Variants in SDK2 observed in about 807,000 individuals in gnomAD.
The protein encoded by SDK2 is protein sidekick-2.
SDK2 carries 105 observed loss-of-function variants against 253.9 expected under a neutral mutation model. The ratio of observed to expected loss-of-function variants is 0.41; its 90% CI spans 0.35 to 0.49. SDK2 has a LOEUF of 0.49. Ranked by LOEUF, SDK2 falls within the 20% of genes least tolerant of loss-of-function variation. The pLI is 0.06. For missense variants in SDK2, 2,608 were observed against 3,003.0 expected (o/e 0.87, Z 3.07); for synonymous variants, 1,249 against 1,234.9 (o/e 1.01, Z -0.24).
At chr17:73,413,001 C>T (rs1434618968) in intron 18 of SDK2, among the ~76,000 whole-genome samples, 1 of 152,134 alleles carries the variant, frequency 6.6e-6, no homozygotes, top group South Asian at 2.1e-4. Flanking sequence ...AAATAAATTT[C>T]TGTTGTTTAA....
rs1156261310 is a variant in SDK2, at chr17:73,390,370, A to G, written c.4109T>C (p.Val1370Ala). Residue 1370 changes from valine to alanine, a missense_variant, in exon 29 of 45, where the codon GTC (valine) becomes GCC (alanine). Around this residue, in one of 2 missense-constraint regions of SDK2, gnomAD observed 1,103 missense variants for 1,143.9 expected, o/e 0.96. Transcript: ENST00000392650. ...YTATGLKPES[V>A]YLFRITAQTR... ...CTGGGCCGTGATGCGGAACAGGTAG[A>G]CAGACTCTGGCTTGAGGCCCGTGGC... is the stretch of plus-strand genomic sequence containing the variant. The G allele has an allele frequency of 6.2e-7, 1 of 1,612,488 alleles. No individual in the cohort carries two copies. The highest frequency in any genetic ancestry group is 1.7e-5 in the Admixed American group (1 of 59,954).
At position 73,643,467 on chromosome 17, in the gene SDK2, C is replaced by A. The variant is rs914755240; in HGVS notation, c.64+558G>T. Among the ~76,000 whole-genome samples the A allele has an allele frequency of 6.6e-6, 1 of 152,150 alleles. No homozygotes were observed. The highest frequency in any genetic ancestry group is 1.5e-5 in the Non-Finnish European group (1 of 68,016). ...CGCAGCGAAGCACCCCCAGCCCCAG[C>A]GGCTGGCCGAGCAGCCAGGGGCGGG... On this transcript the variant is annotated intron_variant, in intron 1 of 44. Transcript: ENST00000392650. This position sits in a 1 kb window ranked among gnomAD's most constrained non-coding sequence, Gnocchi z 6.9.
At chr17:73,546,863 G>T (rs1051170455) in intron 1 of SDK2, among the ~76,000 whole-genome samples, 2 of 152,222 alleles carry the variant, frequency 1.3e-5, no homozygotes, top group Non-Finnish European at 2.9e-5. Context: ...AGAACAGGAC[G>T]GCTCAGAGAG....
Position 73,424,023 on chromosome 17 carries a change from G to T in SDK2, c.1653C>A (p.Asn551Lys). 1.9e-5 allele frequency: 30 copies of T among 1,612,614 alleles called. No individual in the cohort carries two copies. Among genetic ancestry groups the T allele is most frequent in the Non-Finnish European group, 2.5e-5 (30 of 1,179,502 alleles). Residue 551 changes from asparagine (N) to lysine (K), a missense_variant, in exon 13 of 45, where the codon AAC becomes AAA. This residue lies in a region of SDK2 where 1,505 missense variants were observed against 1,859.1 expected (regional missense o/e 0.81). Coordinates refer to ENST00000392650, the MANE Select transcript of SDK2 (RefSeq NM_001144952.2). ...ACGTCTGTGAGATGTGCAGGGAGCCGTTTCTGTCCAGGCGGATACGAGGAT... is the reference window on the plus strand; with the variant it reads ...ACGTCTGTGAGATGTGCAGGGAGCCTTTTCTGTCCAGGCGGATACGAGGAT... ...ESHPRIRLDR[N>K]GSLHISQTWS...
At chr17:73,596,947 C>T (rs190265978) in intron 1 of SDK2, among the ~76,000 whole-genome samples, 2 of 152,176 alleles carry the variant, frequency 1.3e-5, no homozygotes, top group Non-Finnish European at 2.9e-5. Context: ...GGCAGAACCC[C>T]GGCCATTTCC....
intron 1 of SDK2, among the ~76,000 whole-genome samples, chr17:73,600,457 G>A (rs1567865898): frequency 6.6e-6 from 1 of 152,072 alleles, no homozygotes; most frequent in Non-Finnish European, 1.5e-5. Flanking sequence ...TGTGGAGAGG[G>A]CGACAGCAAT....
In SDK2 at chr17:73,379,129, C is replaced by G; in HGVS notation, c.4980+48G>C. On this transcript the variant is annotated intron_variant, in intron 36 of 44. Transcript: ENST00000392650. The surrounding 1 kb of genome is among the most constrained non-coding windows in gnomAD (Gnocchi z 4.5). ...TATCACTCACTCCCCAGCCTCCGAC[C>G]TGGCTTCTCATCCGTGCACCCCTTT... The G allele has an allele frequency of 7.1e-7, 1 of 1,413,536 alleles. No homozygotes were observed. Among genetic ancestry groups the G allele is most frequent in the Non-Finnish European group, 9.8e-7 (1 of 1,024,444 alleles). 87.6% of individuals were successfully genotyped at this position (1,413,536 alleles called of 1,614,324 possible). A position where few individuals can be genotyped will look rare whatever the true frequency, so the allele number is the denominator to read the frequency against.
At position 73,380,936 on chromosome 17, in the gene SDK2, G is replaced by T. The variant is rs370912779; in HGVS notation, c.4720C>A (p.Arg1574=). 5 of 1,549,966 alleles carry T rather than the reference G, an allele frequency of 3.2e-6. No individual in the cohort carries two copies. Among genetic ancestry groups the T allele is most frequent in the Non-Finnish European group, 2.6e-6 (3 of 1,144,074 alleles). The part of the protein sequence containing the change: ...WAELTSMYSM[R]NLSRPSLTQY... ...GTGAGGCTGGGCCGGCTCAGGTTCC[G>T]CATGGAGTACATGGCTATGGGGTGG... The change falls in exon 34 of 45, where the codon CGG becomes AGG. Residue 1574 remains arginine (R), a synonymous_variant. Coordinates refer to ENST00000392650, the MANE Select transcript of SDK2 (RefSeq NM_001144952.2).
chr17:73,489,503 C>G (rs1268043354), intron 2 of SDK2, among the ~76,000 whole-genome samples: 1 of 152,186 alleles, frequency 6.6e-6, no homozygotes, highest in East Asian at 1.9e-4. Flanking sequence ...CCAAGCACCG[C>G]CCAGATGGCC....
rs1018888727 is a variant in SDK2 at position 73,511,977 on chromosome 17, G to A, written c.65-4380C>T. ...TGTGGACATTCACATATCTGTGAAT[G>A]TCAATGTGTGTGTCAGTGCACATCT... is the stretch of plus-strand genomic sequence containing the variant. On this transcript the variant is annotated intron_variant, in intron 1 of 44. Transcript: ENST00000392650. The surrounding 1 kb of genome is among the most constrained non-coding windows in gnomAD (Gnocchi z 4.9). 2.0e-5 allele frequency among the ~76,000 whole-genome samples: 3 copies of A among 152,146 alleles called. No homozygotes were observed. Among genetic ancestry groups the A allele is most frequent in the Non-Finnish European group, 4.4e-5 (3 of 68,018 alleles).
Position 73,390,376 on chromosome 17 carries a change from T to A in SDK2, c.4103A>T (p.Glu1368Val). 8.7e-6 allele frequency: 14 copies of A among 1,612,746 alleles called. No homozygotes were observed. Among genetic ancestry groups the A allele is most frequent in the Non-Finnish European group, 1.2e-5 (14 of 1,179,728 alleles). ...RQYTATGLKP[E>V]SVYLFRITAQ... ...CGTGATGCGGAACAGGTAGACAGACTCTGGCTTGAGGCCCGTGGCTGTGTA... is the reference window on the plus strand; with the variant it reads ...CGTGATGCGGAACAGGTAGACAGACACTGGCTTGAGGCCCGTGGCTGTGTA... Residue 1368 changes from glutamate to valine, a missense_variant, in exon 29 of 45, where the codon GAG (glutamate) becomes GTG (valine). Glu to Val is a moderately radical substitution (Grantham distance 121). This residue lies in a region of SDK2 where 1,103 missense variants were observed against 1,143.9 expected (regional missense o/e 0.96). Transcript: ENST00000392650.
At chr17:73,418,010 GTTT>G (rs397689294) in intron 16 of SDK2, among the ~76,000 whole-genome samples, 8 of 128,254 alleles carry the variant, frequency 6.2e-5, no homozygotes, top group Admixed American at 9.0e-5. Flanking sequence ...TCCTAGATGA[GTTT>G]TTTTTTTTTT....
intron 44 of SDK2, among the ~76,000 whole-genome samples, chr17:73,345,575 A>G (rs1420892032): frequency 1.3e-5 from 2 of 152,170 alleles, no homozygotes; most frequent in Admixed American, 1.3e-4. Context: ...TAAATGCATC[A>G]AGGAATGAAT....
At position 73,612,917 on chromosome 17, in the gene SDK2, A is replaced by AAATAATAATAAT. The variant is rs367745115; in HGVS notation, c.64+31096_64+31107dup. ...GGGTGACAGAGCGAGACTCCGTCTCAAATAATAATAATAATAATAATAGTA... is the reference window on the plus strand; with the variant it reads ...GGGTGACAGAGCGAGACTCCGTCTCAAATAATAATAATAATAATAATAATAATAATAATAGTA... On this transcript the variant is annotated intron_variant, in intron 1 of 44. Transcript: ENST00000392650. The surrounding 1 kb of genome is among the most constrained non-coding windows in gnomAD (Gnocchi z 4.4). Among the ~76,000 whole-genome samples, 11 of 151,464 alleles carry AAATAATAATAAT rather than the reference A, an allele frequency of 7.3e-5. No individual in the cohort carries two copies. The highest frequency in any genetic ancestry group is 3.2e-3 in the Middle Eastern group (1 of 314).
At chr17:73,502,536 TTAAGA>T (rs1479267507) in intron 2 of SDK2, among the ~76,000 whole-genome samples, 6 of 152,208 alleles carry the variant, frequency 3.9e-5, no homozygotes, top group Admixed American at 1.3e-4. Context: ...CAAATTTAGG[TTAAGA>T]TGAGTATGGA....
In SDK2 at chr17:73,431,706, C is replaced by A. The variant is rs774854436; in HGVS notation, c.1313-37G>T. Reference sequence around the variant, plus strand: ...ACAGGGTGGGGGTCAGCCTGTAGCCCCCAAGGGCACACCCTGCCCTTCCCT... The same window carrying A: ...ACAGGGTGGGGGTCAGCCTGTAGCCACCAAGGGCACACCCTGCCCTTCCCT... On this transcript the variant is annotated intron_variant, in intron 10 of 44. Transcript: ENST00000392650. This position sits in a 1 kb window ranked among gnomAD's most constrained non-coding sequence, Gnocchi z 5.6. 5 of 1,558,118 alleles carry A rather than the reference C, an allele frequency of 3.2e-6. No individual in the cohort carries two copies. The highest frequency in any genetic ancestry group is 2.3e-5 in the East Asian group (1 of 43,530).
intron 1 of SDK2, among the ~76,000 whole-genome samples, chr17:73,548,734 G>T (rs562116489): frequency 6.6e-6 from 1 of 152,232 alleles, no homozygotes; most frequent in African/African-American, 2.4e-5. Context: ...CACACTGTCT[G>T]GGGGAAGTAG....
chr17:73,481,836 G>A lies in SDK2; in HGVS notation c.225-9618C>T, dbSNP rs1377114102. ...TGAATTACGGTACTGGATTTCTTGGGTTTCCAGCTTGCAGGCGGCAGTTGG... is the reference window on the plus strand; with the variant it reads ...TGAATTACGGTACTGGATTTCTTGGATTTCCAGCTTGCAGGCGGCAGTTGG... On this transcript the variant is annotated intron_variant, in intron 2 of 44. Coordinates refer to ENST00000392650, the MANE Select transcript of SDK2 (RefSeq NM_001144952.2). The surrounding 1 kb of genome is among the most constrained non-coding windows in gnomAD (Gnocchi z 4.5). 6.6e-6 allele frequency among the ~76,000 whole-genome samples: 1 copy of A among 152,192 alleles called. No homozygotes were observed. Among genetic ancestry groups the A allele is most frequent in the Non-Finnish European group, 1.5e-5 (1 of 68,040 alleles).
intron 25 of SDK2, 98 bp from the exon 26 acceptor site, chr17:73,394,422 C>A: frequency 1.6e-6 from 1 of 622,226 alleles, no homozygotes; most frequent in South Asian, 4.3e-5. Context: ...GGGGCCAGCT[C>A]GATGTTGCCT....
Sources: gnomAD v4.1 joint callset for allele counts (sites outside exome capture counted in the v4.1 genomes callset) on GRCh38, gnomAD v4.1.1 for gene constraint, gnomAD v4.1.1 regional missense constraint, Gnocchi (gnomAD v3.1) non-coding constraint, MANE v1.5 for transcripts, NCBI Gene and HGNC (gene_info 2026-07-23, HGNC 2026-07-21) for gene names.